The following PELI2 variants were observed in gnomAD, a reference collection of about 807,000 sequenced individuals.
The protein encoded by PELI2 is E3 ubiquitin-protein ligase pellino homolog 2.
A neutral mutation model predicts 42.3 loss-of-function variants in PELI2; 23 were observed. The observed-to-expected ratio is 0.54, with a 90% CI of 0.39 to 0.77. The LOEUF (loss-of-function observed/expected upper bound fraction) is 0.77, where lower values mean the gene tolerates loss of function less well. Ranked by LOEUF, PELI2 falls within the 30% of genes least tolerant of loss-of-function variation. The probability of loss-of-function intolerance (pLI) is 0.00; values close to 1 mark genes in which losing one functional copy is unlikely to be tolerated. For synonymous variants in PELI2, 245 were observed against 212.2 expected (o/e 1.15, Z -1.34); for missense variants, 463 against 553.2 (o/e 0.84, Z 1.64).
chr14:56,220,643 A>G (rs555791796), intron 2 of PELI2, among the ~76,000 whole-genome samples: 1 of 152,310 alleles, frequency 6.6e-6, no homozygotes, highest in Admixed American at 6.5e-5. Context: ...ATGAAAAGCA[A>G]AAAAGGAGGG....
At chr14:56,127,731 C>T (rs1420563017) in intron 1 of PELI2, among the ~76,000 whole-genome samples, 1 of 152,212 alleles carries the variant, frequency 6.6e-6, no homozygotes, top group Non-Finnish European at 1.5e-5. Flanking sequence ...AAACATTCCT[C>T]TAGTAGCTAA....
At chr14:56,177,794 G>A (rs1885439387) in intron 1 of PELI2, among the ~76,000 whole-genome samples, 1 of 152,112 alleles carries the variant, frequency 6.6e-6, no homozygotes, top group African/African-American at 2.4e-5. Flanking sequence ...GACAGCGTAG[G>A]GTTCAAACAG....
intron 2 of PELI2, among the ~76,000 whole-genome samples, chr14:56,183,981 G>A (rs1885680306): frequency 6.6e-6 from 1 of 152,084 alleles, no homozygotes; most frequent in Non-Finnish European, 1.5e-5. Context: ...TCTGGATGAT[G>A]CAATAGGAAG....
chr14:56,300,557 A>C lies in PELI2; in HGVS notation c.*3391A>C, dbSNP rs1890144156. On this transcript the variant is annotated 3_prime_UTR_variant, in exon 6 of 6. Coordinates refer to ENST00000267460, the MANE Select transcript of PELI2 (RefSeq NM_021255.3). ...AATTGAAGTGTAATATAGGTTGTAGAATTGTTACCTGCAGTTCTATGGTTT... is the reference window on the plus strand; with the variant it reads ...AATTGAAGTGTAATATAGGTTGTAGCATTGTTACCTGCAGTTCTATGGTTT... 6.6e-6 allele frequency: 1 copy of C among 151,996 alleles called. No individual in the cohort carries two copies. The highest frequency in any genetic ancestry group is 2.1e-4 in the South Asian group (1 of 4,816). 9.4% of individuals were successfully genotyped at this position (151,996 alleles called of 1,614,324 possible).
rs1284743238 is a variant in PELI2 at position 56,238,025 on chromosome 14, A to G, written c.208-41651A>G. On this transcript the variant is annotated intron_variant, in intron 2 of 5. Transcript: ENST00000267460. ...GTTATATGATTCTTTTTTAATGGGC[A>G]TATTAAGGCCCTGATTTAATTCTAT... 3.3e-5 allele frequency among the ~76,000 whole-genome samples: 5 copies of G among 152,252 alleles called. 1 individual carries two copies. Among genetic ancestry groups the G allele is most frequent in the East Asian group, 1.9e-4 (1 of 5,180 alleles).
intron 2 of PELI2, among the ~76,000 whole-genome samples, chr14:56,182,829 T>C (rs1159338614): frequency 1.3e-5 from 2 of 152,112 alleles, no homozygotes; most frequent in Admixed American, 1.3e-4. Flanking sequence ...CAACATAAAC[T>C]CATTCACCCT....
intron 2 of PELI2, among the ~76,000 whole-genome samples, chr14:56,244,643 G>A (rs1566661248): frequency 6.6e-6 from 1 of 152,168 alleles, no homozygotes; most frequent in African/African-American, 2.4e-5. Flanking sequence ...AGAGCAGGAT[G>A]AAAACTCCAT....
chr14:56,218,491 CTG>C (rs1174637114), intron 2 of PELI2, among the ~76,000 whole-genome samples: 1 of 152,204 alleles, frequency 6.6e-6, no homozygotes, highest in African/African-American at 2.4e-5. Flanking sequence ...TTTGAGAACT[CTG>C]TAGTTGACTG....
intron 3 of PELI2, among the ~76,000 whole-genome samples, chr14:56,285,083 T>C (rs1889602969): frequency 6.6e-6 from 1 of 152,252 alleles, no homozygotes; most frequent in African/African-American, 2.4e-5. Flanking sequence ...ATCTGATTTA[T>C]GTTTTTGTAC....
At chr14:56,205,510 G>T (rs548819619) in intron 2 of PELI2, among the ~76,000 whole-genome samples, 2 of 152,282 alleles carry the variant, frequency 1.3e-5, no homozygotes, top group South Asian at 2.1e-4. Context: ...GACTGAAGAA[G>T]CATGAAATCC....
chr14:56,232,815 A>G (rs961299150), intron 2 of PELI2, among the ~76,000 whole-genome samples: 2 of 148,488 alleles, frequency 1.3e-5, no homozygotes, highest in Non-Finnish European at 3.0e-5. Context: ...GAGGAAGTCA[A>G]ATTGTCCCTG....
At chr14:56,194,672 G>A (rs576956036) in intron 2 of PELI2, among the ~76,000 whole-genome samples, 5 of 152,238 alleles carry the variant, frequency 3.3e-5, no homozygotes, top group African/African-American at 9.6e-5. Context: ...CCTTCACCCC[G>A]CTGAAAAGCT....
intron 1 of PELI2, among the ~76,000 whole-genome samples, chr14:56,172,417 AGT>A (rs1885212067): frequency 6.6e-5 from 10 of 152,174 alleles, no homozygotes; most frequent in Admixed American, 6.5e-4. Flanking sequence ...GCATGTTGTT[AGT>A]AAGCAAACCA....
At chr14:56,232,800 G>A (rs958895435) in intron 2 of PELI2, among the ~76,000 whole-genome samples, 17 of 145,280 alleles carry the variant, frequency 1.2e-4, no homozygotes, top group African/African-American at 4.2e-4. Context: ...ATTCAATTAG[G>A]AAAAGAGGAA....
chr14:56,227,566 A>G (rs1887402950), intron 2 of PELI2, among the ~76,000 whole-genome samples: 1 of 152,244 alleles, frequency 6.6e-6, no homozygotes, highest in African/African-American at 2.4e-5. Context: ...AGACATAGAA[A>G]TAAGTATAGA....
intron 5 of PELI2, chr14:56,292,927 A>G (rs1201977138): frequency 3.3e-6 from 2 of 601,304 alleles, no homozygotes; most frequent in African/African-American, 2.0e-5. Flanking sequence ...TTATATATGA[A>G]GTATTTTATT....
At position 56,252,651 on chromosome 14, in the gene PELI2, G is replaced by A. The variant is rs116743177; in HGVS notation, c.208-27025G>A. Among the ~76,000 whole-genome samples the A allele has an allele frequency of 3.6e-3, 540 of 151,990 alleles. 9 individuals are homozygous for A. Among genetic ancestry groups the A allele is most frequent in the African/African-American group, 0.012 (518 of 41,452 alleles). On this transcript the variant is annotated intron_variant, in intron 2 of 5. Transcript: ENST00000267460. ...TTCTTGCAAGAGAGAGGAGATAGAG[G>A]GAGAGCGAGACGTCTGGAAAAAAGG...
intron 2 of PELI2, among the ~76,000 whole-genome samples, chr14:56,211,626 G>A (rs572060651): frequency 6.6e-6 from 1 of 152,328 alleles, no homozygotes; most frequent in South Asian, 2.1e-4. Context: ...GGGGTGGATA[G>A]ATGGGTGAAT....
At chr14:56,228,401 T>G (rs1887437616) in intron 2 of PELI2, among the ~76,000 whole-genome samples, 1 of 152,246 alleles carries the variant, frequency 6.6e-6, no homozygotes, top group Non-Finnish European at 1.5e-5. Context: ...ACTTCTGATC[T>G]ATACTATATA....
Sources: allele counts gnomAD v4.1 joint callset (sites outside exome capture counted in the v4.1 genomes callset), GRCh38; gene constraint gnomAD v4.1.1; transcripts MANE v1.5; gene names NCBI Gene and HGNC (gene_info 2026-07-23, HGNC 2026-07-21).